NAA35: variants seen among roughly 807,000 people sequenced by gnomAD.
The protein encoded by NAA35 is N-alpha-acetyltransferase 35, NatC auxiliary subunit.
A neutral mutation model predicts 101.7 loss-of-function variants in NAA35; 18 were observed. That is an observed-to-expected ratio of 0.18 (90% CI 0.12 to 0.26). The LOEUF (loss-of-function observed/expected upper bound fraction) is 0.26. NAA35 is among the 10% of genes least tolerant of loss of function. The probability of loss-of-function intolerance (pLI) is 1.00; values close to 1 mark genes in which losing one functional copy is unlikely to be tolerated. For synonymous variants in NAA35, 267 were observed against 273.1 expected (o/e 0.98, Z 0.22); for missense variants, 601 against 886.8 (o/e 0.68, Z 4.09).
At chr9:85,975,496 T>C (rs1344758334) in intron 8 of NAA35, among the ~76,000 whole-genome samples, 1 of 152,194 alleles carries the variant, frequency 6.6e-6, no homozygotes, top group Non-Finnish European at 1.5e-5. Context: ...GCATATAACC[T>C]GTTCATGTCC....
In NAA35 at chr9:86,020,956, A is replaced by T; in HGVS notation, c.2105A>T (p.Lys702Ile). The T allele has an allele frequency of 6.2e-7, 1 of 1,611,612 alleles. No individual in the cohort carries two copies. The highest frequency in any genetic ancestry group is 8.5e-7 in the Non-Finnish European group (1 of 1,178,722). ...VVMKLLAGGH[K>I]KESKVPPEFD... The stretch of plus-strand genomic sequence containing the variant: ...ATGAAGTTATTGGCAGGAGGACACA[A>T]AAAGGAATCTAAAGTGAGTACATTG... Residue 702 changes from lysine (K) to isoleucine (I), a missense_variant, in exon 22 of 23, where the codon AAA (lysine) becomes ATA (isoleucine). Transcript: ENST00000361671.
chr9:86,011,191 A>G (rs1831904833), intron 15 of NAA35, among the ~76,000 whole-genome samples: 1 of 150,942 alleles, frequency 6.6e-6, no homozygotes, highest in South Asian at 2.1e-4. Context: ...GTGAGTAGAG[A>G]TCACGCCATT....
At chr9:85,941,753 T>C (rs780225551) in intron 1 of NAA35, 3 of 989,780 alleles carry the variant, frequency 3.0e-6, no homozygotes, top group East Asian at 1.1e-4. Flanking sequence ...GCTACCTTGA[T>C]TGACTTCGGT....
intron 22 of NAA35, 73 bp from the exon 23 acceptor site, chr9:86,021,826 TAA>T (rs2118538583): frequency 8.2e-7 from 1 of 1,221,778 alleles, no homozygotes; most frequent in East Asian, 2.5e-5. Context: ...AACTCTAAAA[TAA>T]AAATAGTCTT....
At chr9:85,972,501 C>A (rs1437228233) in intron 6 of NAA35, among the ~76,000 whole-genome samples, 6 of 134,072 alleles carry the variant, frequency 4.5e-5, no homozygotes, top group African/African-American at 1.8e-4. Context: ...GACAGTGAGA[C>A]CCTGTCTCAA....
intron 16 of NAA35, 136 bp from the exon 17 acceptor site, chr9:86,013,583 C>A: frequency 2.7e-6 from 2 of 741,758 alleles, no homozygotes; most frequent in Non-Finnish European, 4.3e-6. Flanking sequence ...ACTAAAAATG[C>A]ATTTAAAAAT....
chr9:85,998,259 T>G (rs979477024), intron 12 of NAA35, among the ~76,000 whole-genome samples: 3 of 152,138 alleles, frequency 2.0e-5, no homozygotes, highest in African/African-American at 7.2e-5. Flanking sequence ...ATCATGGTGT[T>G]TGGTAACCTG....
At chr9:85,954,324 C>G (rs73491335) in intron 2 of NAA35, among the ~76,000 whole-genome samples, 10,109 of 152,192 alleles carry the variant, frequency 0.066, 1,088 homozygotes, top group African/African-American at 0.23. Context: ...CTTAGGCAGT[C>G]CTCCTGCCTT....
At chr9:85,967,228 T>C (rs1017069487) in intron 6 of NAA35, among the ~76,000 whole-genome samples, 1 of 152,172 alleles carries the variant, frequency 6.6e-6, no homozygotes, top group Non-Finnish European at 1.5e-5. Context: ...GATAATTGAT[T>C]ACACATAATT....
chr9:86,014,151 A>G (rs1832086133), intron 17 of NAA35, among the ~76,000 whole-genome samples: 1 of 152,250 alleles, frequency 6.6e-6, no homozygotes, highest in Non-Finnish European at 1.5e-5. Flanking sequence ...TTAATTGAAG[A>G]TCATTTATTT....
Position 85,978,353 on chromosome 9 carries a change from C to A in NAA35, c.849C>A (p.Ile283=). 1 of 1,611,030 alleles carries A rather than the reference C, an allele frequency of 6.2e-7. No individual in the cohort carries two copies. Among genetic ancestry groups the A allele is most frequent in the Non-Finnish European group, 8.5e-7 (1 of 1,177,438 alleles). The change falls in exon 11 of 23, where the codon ATC becomes ATA. Residue 283 remains isoleucine, a synonymous_variant. Coordinates refer to ENST00000361671, the MANE Select transcript of NAA35 (RefSeq NM_024635.4). ...SAIHNSLHHG[I]QAQNDTTKGD... ...TTCATAATTCATTGCATCATGGCAT[C>A]CAGGCCCAGAATGATACTACAAAAG... is the stretch of plus-strand genomic sequence containing the variant.
rs1830163550 is a variant in NAA35, at chr9:85,975,295, T to C, written c.627+138T>C. The C allele has an allele frequency of 4.7e-5, 37 of 794,430 alleles. No individual in the cohort carries two copies. The South Asian group carries it at 7.3e-4, about 16-fold the overall frequency. The allele number at this position is 794,430 out of a possible 1,614,324, so 49.2% of individuals were successfully genotyped here. A position where few individuals can be genotyped will look rare whatever the true frequency, so the allele number is the denominator to read the frequency against. On this transcript the variant is annotated intron_variant, in intron 8 of 22. Transcript: ENST00000361671. Reference sequence around the variant, plus strand: ...TTTTTTTTGTAATGAATTTGAACACTGCTAGAGGAGTTTCTGATAAATTAA... The same window carrying C: ...TTTTTTTTGTAATGAATTTGAACACCGCTAGAGGAGTTTCTGATAAATTAA...
At chr9:85,962,938 TAGAA>T (rs1829584855) in intron 6 of NAA35, among the ~76,000 whole-genome samples, 1 of 152,166 alleles carries the variant, frequency 6.6e-6, no homozygotes, top group African/African-American at 2.4e-5. Context: ...GTTTTAGAGA[TAGAA>T]AGATTTTTTT....
chr9:86,008,666 A>C (rs1366878210), intron 14 of NAA35, among the ~76,000 whole-genome samples: 1 of 152,238 alleles, frequency 6.6e-6, no homozygotes, highest in Non-Finnish European at 1.5e-5. Flanking sequence ...GAACATAAAT[A>C]CCACAAATAA....
Position 85,942,185 on chromosome 9 carries a change from A to G in NAA35, c.26A>G (p.Asp9Gly). The G allele has an allele frequency of 6.2e-7, 1 of 1,614,182 alleles. No individual in the cohort carries two copies. The highest frequency in any genetic ancestry group is 1.6e-4 in the Middle Eastern group (1 of 6,062). The change falls in exon 2 of 23, where the codon GAT becomes GGT. Residue 9 changes from aspartate (D) to glycine (G), a missense_variant. By Grantham distance (94) the Asp-to-Gly change is moderately conservative. Transcript: ENST00000361671. ...ATGGTTATGAAAGCTTCTGTAGATG[A>G]TGACGATTCAGGATGGGAGCTCAGT... Reference protein sequence around the residue: MVMKASVDDDDSGWELSMP... With the variant: MVMKASVDGDDSGWELSMP...
At chr9:85,945,659 C>T (rs1261384360) in intron 2 of NAA35, among the ~76,000 whole-genome samples, 1 of 152,022 alleles carries the variant, frequency 6.6e-6, no homozygotes, top group Non-Finnish European at 1.5e-5. Flanking sequence ...GCTGGGACTA[C>T]AGGCGCCCGT....
intron 6 of NAA35, among the ~76,000 whole-genome samples, chr9:85,973,854 C>T (rs1830103328): frequency 6.6e-6 from 1 of 151,264 alleles, no homozygotes; most frequent in Admixed American, 6.6e-5. Flanking sequence ...GGGTATAGTA[C>T]CTCACTTGAA....
intron 1 of NAA35, chr9:85,941,872 G>C: frequency 8.9e-7 from 1 of 1,124,432 alleles, no homozygotes; most frequent in Non-Finnish European, 1.1e-6. Flanking sequence ...TTTCGGGCCA[G>C]AGGTGAGATG....
In NAA35 at chr9:86,014,651, T is replaced by A. The variant is rs181639416; in HGVS notation, c.1568+754T>A. Among the ~76,000 whole-genome samples, 327 of 152,316 alleles carry A rather than the reference T, an allele frequency of 2.1e-3. 5 individuals are homozygous for A. The South Asian group carries it at 0.033, about 15-fold the overall frequency. ...GTTTAAATTTTACCTAGTAATTAAG[T>A]TATTCTGTATTCTCTGAAGTCACTG... On this transcript the variant is annotated intron_variant, in intron 17 of 22. Coordinates refer to ENST00000361671, the MANE Select transcript of NAA35 (RefSeq NM_024635.4).
Sources: gnomAD v4.1 joint callset for allele counts (sites outside exome capture counted in the v4.1 genomes callset) on GRCh38, gnomAD v4.1.1 for gene constraint, MANE v1.5 for transcripts, NCBI Gene and HGNC (gene_info 2026-07-23, HGNC 2026-07-21) for gene names.